The following KCNT2 variants were observed in gnomAD, a reference collection of about 807,000 sequenced individuals.
KCNT2 encodes potassium channel subfamily T member 2.
A neutral mutation model predicts 153.8 loss-of-function variants in KCNT2; 67 were observed. That is an observed-to-expected ratio of 0.44 (90% CI 0.36 to 0.53). The LOEUF is 0.53. KCNT2 is among the 20% of genes least tolerant of loss of function. The probability of loss-of-function intolerance (pLI) is 0.00; values close to 1 mark genes in which losing one functional copy is unlikely to be tolerated. For synonymous variants in KCNT2, 500 were observed against 458.8 expected, an observed-to-expected ratio of 1.09 and a Z score of -1.15; for missense variants, 975 against 1,354.8, an observed-to-expected ratio of 0.72 and a Z score of 4.40.
At chr1:196,428,328 G>A in intron 9 of KCNT2, 59 bp from the exon 10 acceptor site, 9 of 1,174,536 alleles carry the variant, frequency 7.7e-6, no homozygotes, top group South Asian at 2.5e-5. Context: ...ATAAATCAAT[G>A]CAATACATCT....
intron 14 of KCNT2, among the ~76,000 whole-genome samples, chr1:196,368,959 G>A (rs1164473124): frequency 1.3e-5 from 2 of 152,070 alleles, no homozygotes; most frequent in South Asian, 2.1e-4. Flanking sequence ...AATAAGTGAG[G>A]AGATTTTCTT....
chr1:196,584,522 G>C (rs775406553), intron 1 of KCNT2, among the ~76,000 whole-genome samples: 3 of 152,044 alleles, frequency 2.0e-5, no homozygotes, highest in Non-Finnish European at 4.4e-5. Flanking sequence ...CGTATTCCAA[G>C]AGGCTTAGAA....
At chr1:196,323,733 G>T (rs865841089) in intron 19 of KCNT2, among the ~76,000 whole-genome samples, 1 of 151,374 alleles carries the variant, frequency 6.6e-6, no homozygotes, top group Non-Finnish European at 1.5e-5. Context: ...TTGCCGTTTC[G>T]ACTAATTTTT....
intron 4 of KCNT2, among the ~76,000 whole-genome samples, chr1:196,480,947 T>C (rs890910725): frequency 4.7e-5 from 7 of 148,408 alleles, no homozygotes; most frequent in Non-Finnish European, 7.4e-5. Context: ...GATCAAAATA[T>C]ATTTGAAGAT....
intron 14 of KCNT2, among the ~76,000 whole-genome samples, chr1:196,349,692 T>A (rs1158357823): frequency 6.6e-6 from 1 of 151,654 alleles, no homozygotes; most frequent in Admixed American, 6.6e-5. Context: ...TTTTTTATTA[T>A]TTTTTATTCT....
At chr1:196,232,500 CA>C (rs1450680601) in intron 27 of KCNT2, among the ~76,000 whole-genome samples, 1 of 151,552 alleles carries the variant, frequency 6.6e-6, no homozygotes, top group African/African-American at 2.4e-5. Context: ...AGGCATCTTT[CA>C]AATGATAATT....
In KCNT2 at chr1:196,227,141, A is replaced by G. The variant is rs1383068156; in HGVS notation, c.*1083T>C. On this transcript the variant is annotated 3_prime_UTR_variant, in exon 28 of 28. Transcript: ENST00000294725. ...TGCTTTTCTCTCATAATGTTAAAGT[A>G]TAGCTCATATATACGATTTCAAAAT... 1 of 152,068 alleles carries G rather than the reference A, an allele frequency of 6.6e-6. No homozygotes were observed. Among genetic ancestry groups the G allele is most frequent in the Non-Finnish European group, 1.5e-5 (1 of 67,892 alleles). 9.4% of individuals were successfully genotyped at this position (152,068 alleles called of 1,614,324 possible). A position where few individuals can be genotyped will look rare whatever the true frequency, so the allele number is the denominator to read the frequency against.
chr1:196,574,109 T>C (rs1419210009), intron 1 of KCNT2, among the ~76,000 whole-genome samples: 1 of 151,948 alleles, frequency 6.6e-6, no homozygotes, highest in Admixed American at 6.6e-5. Flanking sequence ...TTACTTTTTC[T>C]GAGAATCAAT....
chr1:196,365,788 C>T (rs1667987924), intron 14 of KCNT2, among the ~76,000 whole-genome samples: 1 of 152,156 alleles, frequency 6.6e-6, no homozygotes, highest in African/African-American at 2.4e-5. Flanking sequence ...CCTGTTTTGT[C>T]TTCTCCTGTC....
intron 5 of KCNT2, among the ~76,000 whole-genome samples, chr1:196,476,892 G>T (rs755597391): frequency 2.0e-5 from 3 of 151,986 alleles, no homozygotes; most frequent in Non-Finnish European, 2.9e-5. Flanking sequence ...ACACTCAATT[G>T]TATTCCATTA....
At chr1:196,374,278 C>G (rs528662289) in intron 13 of KCNT2, among the ~76,000 whole-genome samples, 1 of 151,806 alleles carries the variant, frequency 6.6e-6, no homozygotes, top group South Asian at 2.1e-4. Flanking sequence ...ATACATAACA[C>G]CATACAATTT....
At chr1:196,449,843 A>G (rs1395709993) in intron 8 of KCNT2, among the ~76,000 whole-genome samples, 2 of 151,760 alleles carry the variant, frequency 1.3e-5, no homozygotes, top group African/African-American at 4.8e-5. Context: ...AGAATTTTAA[A>G]AGAAAAATTG....
chr1:196,496,143 A>G (rs1006556295), intron 1 of KCNT2, among the ~76,000 whole-genome samples: 1 of 152,078 alleles, frequency 6.6e-6, no homozygotes, highest in Non-Finnish European at 1.5e-5. Context: ...ACCTCACTTA[A>G]TGTCATCCAT....
intron 15 of KCNT2, among the ~76,000 whole-genome samples, chr1:196,341,016 T>C (rs572567961): frequency 6.6e-6 from 1 of 151,912 alleles, no homozygotes; most frequent in African/African-American, 2.4e-5. Flanking sequence ...TTACTTTAAA[T>C]TTTAGAAAAA....
chr1:196,235,763 G>C (rs1407156641), intron 27 of KCNT2, among the ~76,000 whole-genome samples: 1 of 151,214 alleles, frequency 6.6e-6, no homozygotes, highest in Non-Finnish European at 1.5e-5. Flanking sequence ...ACATAATACA[G>C]AATTCATGCT....
chr1:196,424,268 G>C (rs775021458), intron 11 of KCNT2, among the ~76,000 whole-genome samples: 11 of 151,798 alleles, frequency 7.2e-5, no homozygotes, highest in Non-Finnish European at 1.6e-4. Flanking sequence ...CAATAACTCA[G>C]ATAAATTTGT....
At chr1:196,282,937 C>A (rs948352672) in intron 23 of KCNT2, among the ~76,000 whole-genome samples, 2 of 152,118 alleles carry the variant, frequency 1.3e-5, no homozygotes, top group Non-Finnish European at 2.9e-5. Flanking sequence ...CTCCGCCTCC[C>A]GGGTTCAAGT....
chr1:196,449,929 A>G (rs1387939514), intron 8 of KCNT2, among the ~76,000 whole-genome samples: 2 of 151,826 alleles, frequency 1.3e-5, no homozygotes, highest in Non-Finnish European at 2.9e-5. Context: ...TGCTTTTATA[A>G]TAACAAAAAT....
chr1:196,539,446 A>G (rs1656042323), intron 1 of KCNT2, among the ~76,000 whole-genome samples: 1 of 152,146 alleles, frequency 6.6e-6, no homozygotes. Flanking sequence ...AAATTTCCTA[A>G]TATTAGTATA....
Sources: allele counts gnomAD v4.1 joint callset (sites outside exome capture counted in the v4.1 genomes callset), GRCh38; gene constraint gnomAD v4.1.1; transcripts MANE v1.5; gene names NCBI Gene and HGNC (gene_info 2026-07-23, HGNC 2026-07-21).